The following WDR88 variants were observed in gnomAD, a reference collection of about 807,000 sequenced individuals.
WDR88 encodes the protein WD repeat domain 88.
Under a neutral mutation model 46.8 loss-of-function variants are expected in WDR88, and 40 were observed. The ratio of observed to expected loss-of-function variants is 0.86; its 90% confidence interval spans 0.66 to 1.11. WDR88 has a LOEUF of 1.11. Among genes scored for constraint, WDR88 ranks in the 50% most tolerant of loss-of-function variants. The pLI, the probability that WDR88 is intolerant of heterozygous loss-of-function variation, is 0.00. For synonymous variants in WDR88, 235 were observed against 240.7 expected (o/e 0.98, Z 0.22); for missense variants, 562 against 602.4 (o/e 0.93, Z 0.70).
chr19:33,141,720 G>A (rs1973398691), intron 2 of WDR88, among the ~76,000 whole-genome samples: 1 of 152,054 alleles, frequency 6.6e-6, no homozygotes. Context: ...TGCTCTTGTT[G>A]CTCAGGCTGG....
intron 10 of WDR88, among the ~76,000 whole-genome samples, chr19:33,173,852 CTTTTT>C (rs1483006169): frequency 1.3e-5 from 2 of 152,002 alleles, no homozygotes; most frequent in African/African-American, 2.4e-5. Flanking sequence ...TTCCTTTTTT[CTTTTT>C]ATTTCTTTTT....
intron 1 of WDR88, 65 bp from the exon 2 acceptor site, chr19:33,137,612 A>G: frequency 7.4e-7 from 1 of 1,352,880 alleles, no homozygotes; most frequent in Non-Finnish European, 1.0e-6. Context: ...AAATATAATT[A>G]ACTGTTGTAC....
chr19:33,170,105 G>A (rs554193174), intron 9 of WDR88, among the ~76,000 whole-genome samples: 28 of 152,166 alleles, frequency 1.8e-4, no homozygotes, highest in Non-Finnish European at 3.4e-4. Context: ...TTGAACTCTC[G>A]ACCTCAGGTG....
In WDR88 at chr19:33,147,723, C is replaced by G. The variant is rs1973548553; in HGVS notation, c.540+15C>G. The G allele has an allele frequency of 5.6e-6, 9 of 1,613,046 alleles. No homozygotes were observed. The highest frequency in any genetic ancestry group is 7.6e-6 in the Non-Finnish European group (9 of 1,179,440). ...GCAAGCTGCTGGTACGTATGCCTGTCCAGTGGGGGCGTTGGTTGCAGCCCA... is the reference window on the plus strand; with the variant it reads ...GCAAGCTGCTGGTACGTATGCCTGTGCAGTGGGGGCGTTGGTTGCAGCCCA... On this transcript the variant is annotated intron_variant, in intron 4 of 10. Transcript: ENST00000355868.
chr19:33,157,390 C>T (rs1446667714), intron 7 of WDR88, among the ~76,000 whole-genome samples: 1 of 150,482 alleles, frequency 6.6e-6, no homozygotes, highest in South Asian at 2.1e-4. Flanking sequence ...TCCAGCTATT[C>T]GGGAGCCTCA....
In WDR88 at chr19:33,175,736, C is replaced by T; in HGVS notation, c.*164C>T. 1.4e-6 allele frequency: 1 copy of T among 703,830 alleles called. No homozygotes were observed. The highest frequency in any genetic ancestry group is 2.4e-6 in the Non-Finnish European group (1 of 424,086). The allele number at this position is 703,830 out of a possible 1,614,324, so 43.6% of individuals were successfully genotyped here. On this transcript the variant is annotated 3_prime_UTR_variant, in exon 11 of 11. Coordinates refer to ENST00000355868, the MANE Select transcript of WDR88 (RefSeq NM_173479.4). ...ACTCAGCACAGTGCCACCTCCTCAG[C>T]TCTCAGCTTGGGGAGTGAACACTTT...
chr19:33,139,924 C>G (rs1599881580), intron 2 of WDR88, among the ~76,000 whole-genome samples: 2 of 152,138 alleles, frequency 1.3e-5, no homozygotes, highest in Admixed American at 6.6e-5. Flanking sequence ...CTGTGTGACC[C>G]TGGGGGGTTG....
chr19:33,175,662 C>T lies in WDR88; in HGVS notation c.*90C>T. On this transcript the variant is annotated 3_prime_UTR_variant, in exon 11 of 11. Coordinates refer to ENST00000355868, the MANE Select transcript of WDR88 (RefSeq NM_173479.4). ...CAGGGGCTTTCTCTTGGGCCCCTCC[C>T]AGGCTCAGCAGGCCTGTCAGACTGG... The T allele has an allele frequency of 6.7e-7, 1 of 1,488,154 alleles. No homozygotes were observed. The highest frequency in any genetic ancestry group is 1.3e-5 in the South Asian group (1 of 79,840). The allele number at this position is 1,488,154 out of a possible 1,614,324, so 92.2% of individuals were successfully genotyped here.
At chr19:33,172,943 T>A (rs1033545276) in intron 10 of WDR88, among the ~76,000 whole-genome samples, 2 of 151,166 alleles carry the variant, frequency 1.3e-5, no homozygotes, top group Non-Finnish European at 2.9e-5. Flanking sequence ...TACAAAAAAA[T>A]TAGCCAGGCT....
chr19:33,174,715 A>T (rs940059842), intron 10 of WDR88: 1 of 985,174 alleles, frequency 1.0e-6, no homozygotes, highest in Admixed American at 6.2e-5. Context: ...TAGTCCCACA[A>T]TTTTACTCGG....
intron 9 of WDR88, among the ~76,000 whole-genome samples, chr19:33,168,873 G>C (rs918493901): frequency 1.3e-5 from 2 of 152,164 alleles, no homozygotes; most frequent in African/African-American, 2.4e-5. Context: ...GTTACTACAA[G>C]TCTACAGTAA....
chr19:33,134,604 G>C (rs1171199136), intron 1 of WDR88, among the ~76,000 whole-genome samples: 1 of 152,002 alleles, frequency 6.6e-6, no homozygotes, highest in Non-Finnish European at 1.5e-5. Flanking sequence ...GGTGCGGGAG[G>C]GCCGCGCAGG....
chr19:33,137,112 C>CTT (rs71176199), intron 1 of WDR88, among the ~76,000 whole-genome samples: 4 of 78,400 alleles, frequency 5.1e-5, no homozygotes, highest in Non-Finnish European at 9.8e-5. Context: ...CTTTCTTCTT[C>CTT]TTTTTTTTTT....
At chr19:33,162,496 G>C (rs922180365) in intron 8 of WDR88, among the ~76,000 whole-genome samples, 2 of 151,512 alleles carry the variant, frequency 1.3e-5, no homozygotes, top group Non-Finnish European at 2.9e-5. Flanking sequence ...TACAGGCATG[G>C]AGCACCGCGC....
intron 9 of WDR88, among the ~76,000 whole-genome samples, chr19:33,171,671 A>G (rs528260109): frequency 2.6e-4 from 39 of 147,672 alleles, no homozygotes; most frequent in African/African-American, 9.7e-4. Flanking sequence ...TTCAGGAACT[A>G]TTATTAACTA....
At chr19:33,173,020 A>G (rs1415144757) in intron 10 of WDR88, among the ~76,000 whole-genome samples, 5 of 131,118 alleles carry the variant, frequency 3.8e-5, no homozygotes, top group African/African-American at 5.6e-5. Context: ...TGAACCTGGG[A>G]GATGGAAGTT....
intron 7 of WDR88, among the ~76,000 whole-genome samples, chr19:33,158,847 G>A (rs940952760): frequency 3.3e-5 from 5 of 152,086 alleles, no homozygotes; most frequent in East Asian, 3.9e-4. Context: ...TTACAGGTGC[G>A]CACTACCATG....
At chr19:33,135,815 G>C (rs113672231) in intron 1 of WDR88, among the ~76,000 whole-genome samples, 20,042 of 152,180 alleles carry the variant, frequency 0.13, 1,551 homozygotes, top group Admixed American at 0.28. Flanking sequence ...ACTTGTTATG[G>C]GACTTTGATG....
At position 33,133,750 on chromosome 19, in the gene WDR88, T is replaced by C. The variant is rs1371774202; in HGVS notation, c.276+1305T>C. On this transcript the variant is annotated intron_variant, in intron 1 of 10. Transcript: ENST00000355868. ...TCCATGTTCTCCTCCCCCATCCCCC[T>C]GTCTTGCTGACCTACAAGCAGGTCT... Among the ~76,000 whole-genome samples the C allele has an allele frequency of 2.0e-5, 3 of 152,212 alleles. No individual in the cohort carries two copies. In the East Asian group the frequency reaches 5.8e-4, roughly 29 times the overall value.
Sources: gnomAD v4.1 joint callset for allele counts (sites outside exome capture counted in the v4.1 genomes callset) on GRCh38, gnomAD v4.1.1 for gene constraint, MANE v1.5 for transcripts, NCBI Gene and HGNC (gene_info 2026-07-23, HGNC 2026-07-21) for gene names.